BCL2L12: variants seen among roughly 807,000 people sequenced by gnomAD.
The protein encoded by BCL2L12 is BCL2 like 12, also known as bcl-2-like protein 12.
BCL2L12 carries 27 observed loss-of-function variants against 25.7 expected under a neutral mutation model. The observed-to-expected ratio is 1.05, with a 90% confidence interval of 0.78 to 1.45. The LOEUF is 1.45. Among genes scored for constraint, BCL2L12 ranks in the 40% most tolerant of loss-of-function variants. The pLI, the probability that BCL2L12 is intolerant of heterozygous loss-of-function variation, is 0.00. For missense variants in BCL2L12, 302 were observed against 329.8 expected (o/e 0.92, Z 0.65); for synonymous variants, 132 against 145.6 (o/e 0.91, Z 0.67).
At position 49,668,031 on chromosome 19, in the gene BCL2L12, C is replaced by T. The variant is rs112642947; in HGVS notation, c.251-820C>T. On this transcript the variant is annotated intron_variant, in intron 3 of 6. Transcript: ENST00000246784. ...CTGGCCTCAAGTGACCCTCCCACGTCGGCCTCCCAAAATGTTGAGATTGCA... is the reference window on the plus strand; with the variant it reads ...CTGGCCTCAAGTGACCCTCCCACGTTGGCCTCCCAAAATGTTGAGATTGCA... Among the ~76,000 whole-genome samples the T allele has an allele frequency of 4.0e-5, 6 of 151,864 alleles. No homozygotes were observed. In the East Asian group the frequency reaches 5.8e-4, roughly 15 times the overall value.
At chr19:49,665,669 C>T (rs578083006), upstream of BCL2L12, 17 of 1,020,984 alleles carry the variant, frequency 1.7e-5, no homozygotes, top group African/African-American at 1.6e-4. Context: ...AGCTGGAACC[C>T]ACCCCTGTCT....
Position 49,669,035 on chromosome 19 carries a change from C to G in BCL2L12, c.349C>G (p.Pro117Ala). Residue 117 changes from proline (P) to alanine (A), a missense_variant, in exon 5 of 7, where the codon CCC becomes GCC. Coordinates refer to ENST00000246784, the MANE Select transcript of BCL2L12 (RefSeq NM_138639.2). ...KSPPSPELQGPPSTEKEAILR... is the reference protein window; with the variant it reads ...KSPPSPELQGAPSTEKEAILR... ...TCTTCTGCCTCCAGAATTACAGGGTCCCCCATCGACAGAGAAGGAAGCCAT... is the reference window on the plus strand; with the variant it reads ...TCTTCTGCCTCCAGAATTACAGGGTGCCCCATCGACAGAGAAGGAAGCCAT... 1 of 1,614,044 alleles carries G rather than the reference C, an allele frequency of 6.2e-7. No individual in the cohort carries two copies. The highest frequency in any genetic ancestry group is 2.2e-5 in the East Asian group (1 of 44,882).
upstream of BCL2L12, chr19:49,665,715 C>G (rs1000090313): frequency 3.4e-5 from 48 of 1,419,404 alleles, no homozygotes; most frequent in African/African-American, 4.6e-4. Context: ...CGAGGCTGCG[C>G]ACCCCCTTTC....
In BCL2L12 at chr19:49,673,888, ACTTTT is replaced by A; in HGVS notation, c.*144_*148del. Reference sequence around the variant, plus strand: ...TTTTGCCAAAAATAAATTGTTTAAAACTTTTCTTATTAAAAACGTTACAAAGTATT... The same window carrying A: ...TTTTGCCAAAAATAAATTGTTTAAAACTTATTAAAAACGTTACAAAGTATT... On this transcript the variant is annotated 3_prime_UTR_variant, in exon 7 of 7. Coordinates refer to ENST00000246784, the MANE Select transcript of BCL2L12 (RefSeq NM_138639.2). 1.1e-6 allele frequency: 1 copy of A among 903,260 alleles called. No individual in the cohort carries two copies. The highest frequency in any genetic ancestry group is 2.3e-4 in the Middle Eastern group (1 of 4,354). The allele number at this position is 903,260 out of a possible 1,614,324, so 56.0% of individuals were successfully genotyped here. A position where few individuals can be genotyped will look rare whatever the true frequency, so the allele number is the denominator to read the frequency against.
upstream of BCL2L12, chr19:49,665,733 C>T (rs2081700666): frequency 2.0e-6 from 3 of 1,486,124 alleles, no homozygotes; most frequent in South Asian, 4.0e-5. Context: ...TTCCCGTCAG[C>T]TGAGCTCTAG....
chr19:49,673,085 C>G (rs917203810), intron 6 of BCL2L12, among the ~76,000 whole-genome samples: 4 of 152,150 alleles, frequency 2.6e-5, no homozygotes, highest in African/African-American at 9.7e-5. Context: ...AGGCTGGTCT[C>G]GAACTCTTGG....
chr19:49,667,029 C>T lies in BCL2L12; in HGVS notation c.118C>T (p.Gln40Ter). Residue 40 changes from glutamine (Q) to a stop codon, truncating the protein, a stop_gained, in exon 3 of 7, where the codon CAA becomes TAA. Transcript: ENST00000246784. LOFTEE classifies it high-confidence loss of function. ...PVPTPPRSPA[Q>*]EEPTDFLSRL... Reference sequence around the variant, plus strand: ...AGTCCTCCTCTCCAGAAGCCCTGCCCAAGAAGAGCCAACAGACTTCCTGAG... The same window carrying T: ...AGTCCTCCTCTCCAGAAGCCCTGCCTAAGAAGAGCCAACAGACTTCCTGAG... The T allele has an allele frequency of 6.2e-7, 1 of 1,613,454 alleles. No homozygotes were observed. Among genetic ancestry groups the T allele is most frequent in the Non-Finnish European group, 8.5e-7 (1 of 1,179,844 alleles).
Position 49,668,890 on chromosome 19 carries a change from G to A in BCL2L12, c.290G>A (p.Arg97Gln), listed in dbSNP as rs762286281. The change falls in exon 4 of 7, where the codon CGG becomes CAG. Residue 97 changes from arginine (R) to glutamine (Q), a missense_variant. Coordinates refer to ENST00000246784, the MANE Select transcript of BCL2L12 (RefSeq NM_138639.2). ...GACTTCTATGCTTTGGTGGCCCAGC[G>A]GCTGGAACAGCTGGTCCAAGAGCAG... Reference protein sequence around the residue: ...TPDFYALVAQRLEQLVQEQLK... With the variant: ...TPDFYALVAQQLEQLVQEQLK... The A allele has an allele frequency of 1.5e-4, 243 of 1,613,528 alleles. 2 individuals carry two copies. The South Asian group carries it at 2.2e-3, about 15-fold the overall frequency.
At chr19:49,666,646 A>G in intron 1 of BCL2L12, 39 bp from the exon 2 acceptor site, 1 of 1,481,164 alleles carries the variant, frequency 6.8e-7, no homozygotes, top group South Asian at 1.3e-5. Flanking sequence ...ACTTCTTGCT[A>G]AACCCTTGGA....
At position 49,672,629 on chromosome 19, in the gene BCL2L12, G is replaced by A. The variant is rs1025800278; in HGVS notation, c.703-1069G>A. ...TGGAGAATGCTGGATTTAACTTAGC[G>A]GTGAAGCTGACAGATTTGGCTAATG... On this transcript the variant is annotated intron_variant, in intron 6 of 6. Transcript: ENST00000246784. The surrounding 1 kb of genome is among the most constrained non-coding windows in gnomAD (Gnocchi z 4.1). Among the ~76,000 whole-genome samples the A allele has an allele frequency of 4.6e-5, 7 of 152,142 alleles. No homozygotes were observed. Among genetic ancestry groups the A allele is most frequent in the Non-Finnish European group, 8.8e-5 (6 of 68,038 alleles).
At position 49,670,265 on chromosome 19, in the gene BCL2L12, A is replaced by C; in HGVS notation, c.479A>C (p.Asp160Ala). 1 of 1,609,586 alleles carries C rather than the reference A, an allele frequency of 6.2e-7. No homozygotes were observed. Among genetic ancestry groups the C allele is most frequent in the African/African-American group, 1.3e-5 (1 of 74,736 alleles). The change falls in exon 6 of 7, where the codon GAC becomes GCC. Residue 160 changes from aspartate (D) to alanine (A), a missense_variant. By Grantham distance (126) the Asp-to-Ala change is moderately radical. Coordinates refer to ENST00000246784, the MANE Select transcript of BCL2L12 (RefSeq NM_138639.2). ...AGCAAGCTGGTCCGCCTGTCCTCCGACTCTTTCGCCCGCCTGGTGGAGCTG... is the reference window on the plus strand; with the variant it reads ...AGCAAGCTGGTCCGCCTGTCCTCCGCCTCTTTCGCCCGCCTGGTGGAGCTG... ...LRSKLVRLSS[D>A]SFARLVELFC... is the part of the protein sequence containing the mutation.
intron 1 of BCL2L12, 64 bp from the exon 2 acceptor site, chr19:49,666,621 G>A (rs1031825810): frequency 2.8e-5 from 37 of 1,299,610 alleles, no homozygotes; most frequent in Non-Finnish European, 3.6e-5. Context: ...CACAAGTCCT[G>A]GTCCCCAAGC....
At position 49,667,546 on chromosome 19, in the gene BCL2L12, T is replaced by C. The variant is rs148264878; in HGVS notation, c.250+385T>C. ...TGTTTTTCCAATAGCAGAGTAGGAATTGGGGAGGAGGTCACTGGACTTGAT... is the reference window on the plus strand; with the variant it reads ...TGTTTTTCCAATAGCAGAGTAGGAACTGGGGAGGAGGTCACTGGACTTGAT... On this transcript the variant is annotated intron_variant, in intron 3 of 6. Coordinates refer to ENST00000246784, the MANE Select transcript of BCL2L12 (RefSeq NM_138639.2). Among the ~76,000 whole-genome samples, 3 of 152,236 alleles carry C rather than the reference T, an allele frequency of 2.0e-5. 1 individual carries two copies. The East Asian group carries it at 5.8e-4, about 29-fold the overall frequency.
At chr19:49,669,757 G>A (rs1208160550) in intron 5 of BCL2L12, among the ~76,000 whole-genome samples, 1 of 152,076 alleles carries the variant, frequency 6.6e-6, no homozygotes, top group African/African-American at 2.4e-5. Flanking sequence ...GAGCATAGAA[G>A]GGACCTGGCT....
Position 49,666,061 on chromosome 19 carries a change from G to A in BCL2L12, c.-15G>A, listed in dbSNP as rs1437701235. Reference sequence around the variant, plus strand: ...GTGGAGGAGGCGGCGGTGGGGCCCCGGACCAGGTCAGCGGGGTGTTGACGA... The same window carrying A: ...GTGGAGGAGGCGGCGGTGGGGCCCCAGACCAGGTCAGCGGGGTGTTGACGA... On this transcript the variant is annotated 5_prime_UTR_variant, in exon 1 of 7. Transcript: ENST00000246784. The A allele has an allele frequency of 6.4e-7, 1 of 1,550,686 alleles. No individual in the cohort carries two copies. The highest frequency in any genetic ancestry group is 1.2e-5 in the South Asian group (1 of 85,122).
Position 49,665,951 on chromosome 19 carries a change from G to A in BCL2L12, c.-125G>A. On this transcript the variant is annotated 5_prime_UTR_variant, in exon 1 of 7. Coordinates refer to ENST00000246784, the MANE Select transcript of BCL2L12 (RefSeq NM_138639.2). The stretch of plus-strand genomic sequence containing the variant: ...GTTCCGCCCTTTCTACGCTGGGCCG[G>A]TTATCGACCCGGCCCAGTGCGCAGG... The A allele has an allele frequency of 6.2e-7, 1 of 1,613,650 alleles. No individual in the cohort carries two copies. The highest frequency in any genetic ancestry group is 8.5e-7 in the Non-Finnish European group (1 of 1,179,812).
chr19:49,671,693 A>G (rs1277762893), intron 6 of BCL2L12, among the ~76,000 whole-genome samples: 1 of 152,174 alleles, frequency 6.6e-6, no homozygotes, highest in African/African-American at 2.4e-5. Flanking sequence ...TCTGAGGGTT[A>G]AAATGGGGTC....
At chr19:49,669,536 TA>T (rs57156182) in intron 5 of BCL2L12, among the ~76,000 whole-genome samples, 1,560 of 132,588 alleles carry the variant, frequency 0.012, 4 homozygotes, top group African/African-American at 0.023. Flanking sequence ...ACTCTGTCTT[TA>T]AAAAAAAAAA....
rs1392349085 is a variant in BCL2L12 at position 49,667,034 on chromosome 19, A to C, written c.123A>C (p.Glu41Asp). 3.7e-6 allele frequency: 6 copies of C among 1,613,420 alleles called. No individual in the cohort carries two copies. Among genetic ancestry groups the C allele is most frequent in the African/African-American group, 1.3e-5 (1 of 74,906 alleles). Residue 41 changes from glutamate (E) to aspartate (D), a missense_variant, in exon 3 of 7, where the codon GAA becomes GAC. Physicochemically the swap from Glu to Asp is conservative, Grantham distance 45. Coordinates refer to ENST00000246784, the MANE Select transcript of BCL2L12 (RefSeq NM_138639.2). ...VPTPPRSPAQ[E>D]EPTDFLSRLR... ...TCCTCTCCAGAAGCCCTGCCCAAGA[A>C]GAGCCAACAGACTTCCTGAGCCGCC...
Sources: allele counts gnomAD v4.1 joint callset (sites outside exome capture counted in the v4.1 genomes callset), GRCh38; gene constraint gnomAD v4.1.1; non-coding constraint Gnocchi (gnomAD v3.1); transcripts MANE v1.5; gene names NCBI Gene and HGNC (gene_info 2026-07-23, HGNC 2026-07-21).